RALYL: variants seen among roughly 807,000 people sequenced by gnomAD.
The protein encoded by RALYL is RNA-binding Raly-like protein.
Under a neutral mutation model 35.1 loss-of-function variants are expected in RALYL, and 29 were observed. That is an observed-to-expected ratio of 0.83 (90% confidence interval 0.61 to 1.13). The LOEUF (loss-of-function observed/expected upper bound fraction) is 1.13. RALYL is among the 50% of genes most tolerant of loss of function. The pLI is 0.00. For missense variants in RALYL, 359 were observed against 360.4 expected (o/e 1.00, Z 0.03); for synonymous variants, 120 against 127.6 (o/e 0.94, Z 0.40).
chr8:84,448,800 T>C (rs1157512495), intron 1 of RALYL, among the ~76,000 whole-genome samples: 2 of 152,046 alleles, frequency 1.3e-5, no homozygotes, highest in Admixed American at 6.6e-5. Flanking sequence ...AGTATGTCCA[T>C]TCCCTCTATG....
At chr8:84,359,170 A>G (rs1265540659) in intron 1 of RALYL, among the ~76,000 whole-genome samples, 1 of 151,160 alleles carries the variant, frequency 6.6e-6, no homozygotes, top group Non-Finnish European at 1.5e-5. Flanking sequence ...CCCTAATTTT[A>G]TTTTCTTTGG....
At chr8:84,478,579 TAAATA>T (rs2053676671) in intron 1 of RALYL, among the ~76,000 whole-genome samples, 1 of 152,108 alleles carries the variant, frequency 6.6e-6, no homozygotes, top group Non-Finnish European at 1.5e-5. Context: ...GGCCTTACCC[TAAATA>T]AAATGAACCA....
chr8:84,751,296 C>T (rs1289912070), intron 2 of RALYL, among the ~76,000 whole-genome samples: 1 of 152,122 alleles, frequency 6.6e-6, no homozygotes, highest in African/African-American at 2.4e-5. Flanking sequence ...CAACCTCCGC[C>T]TCCCAGGTTC....
At chr8:84,907,689 C>T (rs1387246537) in intron 8 of RALYL, among the ~76,000 whole-genome samples, 1 of 151,892 alleles carries the variant, frequency 6.6e-6, no homozygotes, top group Non-Finnish European at 1.5e-5. Context: ...TTGGTTTGTG[C>T]CAAATCTATG....
intron 1 of RALYL, among the ~76,000 whole-genome samples, chr8:84,239,908 T>A (rs1827490594): frequency 6.6e-6 from 1 of 151,814 alleles, no homozygotes; most frequent in Non-Finnish European, 1.5e-5. Context: ...TAAATAAAAA[T>A]AAATAAAAAT....
At chr8:84,478,667 G>T (rs187709721) in intron 1 of RALYL, among the ~76,000 whole-genome samples, 1 of 152,074 alleles carries the variant, frequency 6.6e-6, no homozygotes, top group East Asian at 1.9e-4. Context: ...ATTCCACATA[G>T]GGTAACCACA....
At chr8:84,233,629 G>A (rs555085734) in intron 1 of RALYL, among the ~76,000 whole-genome samples, 4 of 152,274 alleles carry the variant, frequency 2.6e-5, no homozygotes, top group South Asian at 4.1e-4. Flanking sequence ...AAACCCTGGA[G>A]TTTTGGGTGA....
chr8:84,236,400 G>T (rs1224000184), intron 1 of RALYL, among the ~76,000 whole-genome samples: 1 of 152,146 alleles, frequency 6.6e-6, no homozygotes, highest in Non-Finnish European at 1.5e-5. Context: ...TAGATTCACA[G>T]CCTTGGCTAA....
intron 1 of RALYL, among the ~76,000 whole-genome samples, chr8:84,309,565 G>C (rs2129748223): frequency 6.6e-6 from 1 of 152,178 alleles, no homozygotes; most frequent in Non-Finnish European, 1.5e-5. Flanking sequence ...ATCCAGATTA[G>C]TGAAATAGAG....
At chr8:84,870,317 G>A (rs1056614467) in intron 6 of RALYL, among the ~76,000 whole-genome samples, 1 of 150,442 alleles carries the variant, frequency 6.6e-6, no homozygotes, top group Non-Finnish European at 1.5e-5. Flanking sequence ...GGTGTGCAGT[G>A]GTGCGATCTT....
At chr8:84,236,148 TTGAG>T (rs1826501626) in intron 1 of RALYL, among the ~76,000 whole-genome samples, 1 of 152,168 alleles carries the variant, frequency 6.6e-6, no homozygotes. Flanking sequence ...TATAATCAAC[TTGAG>T]TAAGATAGTT....
chr8:84,617,339 A>T (rs1820006731), intron 2 of RALYL, among the ~76,000 whole-genome samples: 1 of 150,614 alleles, frequency 6.6e-6, no homozygotes, highest in South Asian at 2.1e-4. Flanking sequence ...TAGGTATTTT[A>T]TTTTCTTTGA....
At chr8:84,666,306 C>G (rs886139126) in intron 2 of RALYL, among the ~76,000 whole-genome samples, 4 of 152,148 alleles carry the variant, frequency 2.6e-5, no homozygotes, top group East Asian at 1.9e-4. Flanking sequence ...AAAGGGCCTT[C>G]ATATTTATTC....
chr8:84,468,755 A>C (rs1221401771), intron 1 of RALYL, among the ~76,000 whole-genome samples: 2 of 151,542 alleles, frequency 1.3e-5, no homozygotes, highest in African/African-American at 4.8e-5. Context: ...ACTTGGTTCC[A>C]TTCTCCCCAT....
intron 2 of RALYL, among the ~76,000 whole-genome samples, chr8:84,731,405 C>T (rs1199969322): frequency 6.6e-5 from 10 of 152,096 alleles, no homozygotes; most frequent in Admixed American, 6.6e-4. Context: ...AAATCTTCCT[C>T]TATTTTGGGG....
At chr8:84,418,669 G>A (rs913274700) in intron 1 of RALYL, among the ~76,000 whole-genome samples, 2 of 152,100 alleles carry the variant, frequency 1.3e-5, no homozygotes, top group African/African-American at 4.8e-5. Flanking sequence ...TCCATTGTTA[G>A]AATGCAGTTT....
At chr8:84,830,247 CACAA>C (rs1160086661) in intron 4 of RALYL, among the ~76,000 whole-genome samples, 1 of 152,008 alleles carries the variant, frequency 6.6e-6, no homozygotes, top group African/African-American at 2.4e-5. Flanking sequence ...ATTAGGAGGT[CACAA>C]ACAAATTTTG....
chr8:84,342,529 T>G (rs1849057432), intron 1 of RALYL, among the ~76,000 whole-genome samples: 1 of 151,452 alleles, frequency 6.6e-6, no homozygotes, highest in African/African-American at 2.4e-5. Flanking sequence ...TCTAGAAAAA[T>G]CACTGAAGTA....
intron 1 of RALYL, among the ~76,000 whole-genome samples, chr8:84,425,238 G>T (rs899828026): frequency 2.0e-5 from 3 of 152,190 alleles, no homozygotes; most frequent in African/African-American, 7.2e-5. Flanking sequence ...CCAGGTGTGG[G>T]ATATAGTCTC....
Sources: allele counts gnomAD v4.1 joint callset (sites outside exome capture counted in the v4.1 genomes callset), GRCh38; gene constraint gnomAD v4.1.1; transcripts MANE v1.5; gene names NCBI Gene and HGNC (gene_info 2026-07-23, HGNC 2026-07-21).